The following LHFPL3 variants were observed in gnomAD, a reference collection of about 807,000 sequenced individuals.
LHFPL3 encodes LHFPL tetraspan subfamily member 3.
A neutral mutation model predicts 19.3 loss-of-function variants in LHFPL3; 5 were observed. The ratio of observed to expected loss-of-function variants is 0.26; its 90% CI spans 0.14 to 0.54. The LOEUF is 0.54. Among genes scored for constraint, LHFPL3 ranks in the 20% least tolerant of loss-of-function variants. The pLI is 0.94. For synonymous variants in LHFPL3, 133 were observed against 126.2 expected (o/e 1.05, Z -0.36); for missense variants, 249 against 307.4 (o/e 0.81, Z 1.42).
intron 1 of LHFPL3, among the ~76,000 whole-genome samples, chr7:104,470,557 C>T (rs1411072421): frequency 6.6e-6 from 1 of 152,192 alleles, no homozygotes; most frequent in Non-Finnish European, 1.5e-5. Flanking sequence ...AGTGTTCACT[C>T]TGTGCAAACG....
chr7:104,422,584 G>C (rs1350629665), intron 1 of LHFPL3, among the ~76,000 whole-genome samples: 1 of 152,168 alleles, frequency 6.6e-6, no homozygotes, highest in East Asian at 1.9e-4. Flanking sequence ...ATGAGTTCTG[G>C]AGTTAAACTG....
intron 1 of LHFPL3, among the ~76,000 whole-genome samples, chr7:104,660,126 G>A (rs371757863): frequency 2.1e-4 from 32 of 151,640 alleles, no homozygotes; most frequent in Middle Eastern, 3.4e-3. Context: ...CTTAGCCTCC[G>A]AAGTAGCTGG....
At chr7:104,717,939 A>T (rs1360104083) in intron 1 of LHFPL3, among the ~76,000 whole-genome samples, 5 of 152,204 alleles carry the variant, frequency 3.3e-5, no homozygotes, top group African/African-American at 4.8e-5. Context: ...TGGATTACAA[A>T]ATATAGTATA....
chr7:104,589,033 A>G (rs1046293693), intron 1 of LHFPL3, among the ~76,000 whole-genome samples: 18 of 152,120 alleles, frequency 1.2e-4, no homozygotes, highest in Non-Finnish European at 5.9e-5. Context: ...GGGTTTTCTA[A>G]GTATACAATC....
Position 104,667,837 on chromosome 7 carries a change from G to C in LHFPL3, c.446-68838G>C, listed in dbSNP as rs1022761167. The C allele has an allele frequency of 1.1e-5, 18 of 1,611,016 alleles. No homozygotes were observed. In the African/African-American group the frequency reaches 2.1e-4, roughly 19 times the overall value. On this transcript the variant is annotated intron_variant, in intron 1 of 2. Coordinates refer to ENST00000424859, the MANE Select transcript of LHFPL3 (RefSeq NM_199000.3). ...GCTGAGGATGGGGGTACTGGTGGAG[G>C]AAGCACCTATGTTTCCAAACCAGTC...
chr7:104,359,070 G>C (rs1264994613), intron 1 of LHFPL3, among the ~76,000 whole-genome samples: 1 of 152,188 alleles, frequency 6.6e-6, no homozygotes. Flanking sequence ...GGATGAGCCT[G>C]CATGGGGCAG....
chr7:104,459,384 C>A (rs183870770), intron 1 of LHFPL3, among the ~76,000 whole-genome samples: 196 of 152,210 alleles, frequency 1.3e-3, no homozygotes, highest in Non-Finnish European at 2.1e-3. Flanking sequence ...GAAATTGTAA[C>A]CTTGGGCATT....
At chr7:104,862,012 C>A (rs1485756949) in intron 2 of LHFPL3, among the ~76,000 whole-genome samples, 1 of 152,104 alleles carries the variant, frequency 6.6e-6, no homozygotes. Context: ...TTCCTGGAGG[C>A]AGCAGGTTAG....
intron 1 of LHFPL3, among the ~76,000 whole-genome samples, chr7:104,472,109 C>T (rs982341472): frequency 2.0e-5 from 3 of 150,360 alleles, no homozygotes; most frequent in Non-Finnish European, 4.4e-5. Flanking sequence ...CCCAGGAGGT[C>T]GAGGCTGCTG....
chr7:104,635,182 A>G (rs1004790811), intron 1 of LHFPL3, among the ~76,000 whole-genome samples: 3 of 152,150 alleles, frequency 2.0e-5, no homozygotes, highest in Non-Finnish European at 4.4e-5. Context: ...GGGGAAAGGT[A>G]AGAAAATAGA....
chr7:104,890,592 T>G (rs1443042755), intron 2 of LHFPL3, among the ~76,000 whole-genome samples: 3 of 152,224 alleles, frequency 2.0e-5, no homozygotes, highest in Non-Finnish European at 4.4e-5. Context: ...GTTCAGTGGA[T>G]TCTGAACACT....
At chr7:104,476,895 C>G (rs946173446) in intron 1 of LHFPL3, among the ~76,000 whole-genome samples, 12 of 152,178 alleles carry the variant, frequency 7.9e-5, no homozygotes, top group Admixed American at 4.6e-4. Context: ...ATATTAACTC[C>G]TTTAAGGCAG....
chr7:104,767,623 C>T (rs546835200), intron 2 of LHFPL3, among the ~76,000 whole-genome samples: 53 of 152,266 alleles, frequency 3.5e-4, no homozygotes, highest in African/African-American at 1.2e-3. Context: ...TTCCTTGAGC[C>T]TCTCAAAGTA....
intron 1 of LHFPL3, among the ~76,000 whole-genome samples, chr7:104,353,292 C>T (rs946874276): frequency 3.3e-5 from 5 of 152,168 alleles, no homozygotes; most frequent in Non-Finnish European, 1.5e-5. Flanking sequence ...CTGCATGAAA[C>T]AGGAGTAAAT....
At chr7:104,416,145 G>A (rs1791617936) in intron 1 of LHFPL3, among the ~76,000 whole-genome samples, 1 of 152,150 alleles carries the variant, frequency 6.6e-6, no homozygotes, top group African/African-American at 2.4e-5. Flanking sequence ...AAGAAGTCAG[G>A]AGAGAGACAC....
At chr7:104,891,028 G>A (rs1316940732) in intron 2 of LHFPL3, among the ~76,000 whole-genome samples, 1 of 151,584 alleles carries the variant, frequency 6.6e-6, no homozygotes, top group African/African-American at 2.4e-5. Flanking sequence ...TGACACAACT[G>A]TTGCAGCTAT....
chr7:104,591,926 A>G (rs1363996886), intron 1 of LHFPL3, among the ~76,000 whole-genome samples: 1 of 152,008 alleles, frequency 6.6e-6, no homozygotes, highest in East Asian at 1.9e-4. Context: ...AAGCTTGTGC[A>G]TTCATCATGT....
At chr7:104,811,721 A>C (rs1041164644) in intron 2 of LHFPL3, among the ~76,000 whole-genome samples, 2 of 152,248 alleles carry the variant, frequency 1.3e-5, no homozygotes, top group African/African-American at 4.8e-5. Flanking sequence ...GATGCTAAGC[A>C]TCAGTCTTTG....
intron 2 of LHFPL3, among the ~76,000 whole-genome samples, chr7:104,893,976 T>C (rs983375814): frequency 2.6e-4 from 39 of 152,054 alleles, no homozygotes; most frequent in Middle Eastern, 3.4e-3. Flanking sequence ...ATGCTATTCA[T>C]TGGACTTTAA....
Sources: allele counts gnomAD v4.1 joint callset (sites outside exome capture counted in the v4.1 genomes callset), GRCh38; gene constraint gnomAD v4.1.1; transcripts MANE v1.5; gene names NCBI Gene and HGNC (gene_info 2026-07-23, HGNC 2026-07-21).